Variants in GPHN observed in about 807,000 individuals in gnomAD.
GPHN encodes the protein gephyrin.
Under a neutral mutation model 95.5 loss-of-function variants are expected in GPHN, and 17 were observed. The ratio of observed to expected loss-of-function variants is 0.18; its 90% CI spans 0.12 to 0.27. The LOEUF is 0.27. Ranked by LOEUF, GPHN falls within the 10% of genes least tolerant of loss-of-function variation. GPHN has a pLI of 1.00. For missense variants in GPHN, 660 were observed against 978.1 expected (o/e 0.67, Z 4.34); for synonymous variants, 320 against 322.5 (o/e 0.99, Z 0.08).
chr14:67,079,347 T>G (rs1310229037), intron 11 of GPHN, among the ~76,000 whole-genome samples: 1 of 152,074 alleles, frequency 6.6e-6, no homozygotes, highest in Non-Finnish European at 1.5e-5. Context: ...CGTGTAGCCA[T>G]CACCACAATT....
At chr14:67,571,592 G>A in the GPHN span, 3 of 633,300 alleles carry the variant, frequency 4.7e-6, no homozygotes, top group Admixed American at 2.5e-5. Context: ...TGACACAGGA[G>A]TGAGGCCAGG....
the GPHN span, among the ~76,000 whole-genome samples, chr14:67,194,523 C>A: frequency 6.6e-6 from 1 of 151,870 alleles, no homozygotes; most frequent in Non-Finnish European, 1.5e-5. Flanking sequence ...TTTTTTCCCC[C>A]AAGACAGAGT....
chr14:66,717,293 G>T (rs2070274725), intron 2 of GPHN, among the ~76,000 whole-genome samples: 1 of 152,116 alleles, frequency 6.6e-6, no homozygotes, highest in African/African-American at 2.4e-5. Context: ...CTATTGCTGA[G>T]ACTTTCCGGA....
intron 2 of GPHN, among the ~76,000 whole-genome samples, chr14:66,745,389 T>A (rs974433741): frequency 6.6e-6 from 1 of 152,070 alleles, no homozygotes; most frequent in African/African-American, 2.4e-5. Flanking sequence ...AAGGACATTG[T>A]TCACCGTACT....
At chr14:67,671,922 C>A in the GPHN span, among the ~76,000 whole-genome samples, 1 of 152,218 alleles carries the variant, frequency 6.6e-6, no homozygotes, top group Non-Finnish European at 1.5e-5. Flanking sequence ...ATGGTCTAAT[C>A]ATTTCTTATG....
chr14:66,557,132 A>G (rs1300183181), intron 1 of GPHN, among the ~76,000 whole-genome samples: 1 of 152,092 alleles, frequency 6.6e-6, no homozygotes, highest in Non-Finnish European at 1.5e-5. Flanking sequence ...TCTGGAGCCC[A>G]GGAGTTTGAG....
intron 1 of GPHN, among the ~76,000 whole-genome samples, chr14:66,542,684 C>G (rs2059397440): frequency 6.6e-6 from 1 of 152,164 alleles, no homozygotes; most frequent in African/African-American, 2.4e-5. Context: ...GTCTTTAAAC[C>G]TTCTTTTGTT....
the GPHN span, chr14:67,586,577 T>G: frequency 1.6e-5 from 8 of 509,874 alleles, no homozygotes; most frequent in East Asian, 2.7e-4. Flanking sequence ...TTTGCTTTAG[T>G]GACTTTGTTC....
intron 9 of GPHN, among the ~76,000 whole-genome samples, chr14:67,019,526 A>C (rs1379235872): frequency 6.6e-6 from 1 of 152,202 alleles, no homozygotes; most frequent in Non-Finnish European, 1.5e-5. Context: ...CAATTTTTTG[A>C]AATCGGATTT....
chr14:67,056,856 T>C, intron 10 of GPHN, among the ~76,000 whole-genome samples: 1 of 152,068 alleles, frequency 6.6e-6, no homozygotes, highest in Non-Finnish European at 1.5e-5. Context: ...TCCTGAGCCC[T>C]GCCCCGCAAG....
chr14:67,722,878 A>T, the GPHN span, among the ~76,000 whole-genome samples: 2 of 152,218 alleles, frequency 1.3e-5, no homozygotes, highest in African/African-American at 4.8e-5. Context: ...GGAAAACCAG[A>T]AGGAAGCATC....
the GPHN span, chr14:67,652,414 G>A: frequency 5.4e-6 from 1 of 183,880 alleles, no homozygotes; most frequent in Non-Finnish European, 1.2e-5. Flanking sequence ...CTGATGCATG[G>A]CATATGCTGT....
intron 1 of GPHN, among the ~76,000 whole-genome samples, chr14:66,652,202 A>G (rs1468846122): frequency 6.6e-6 from 1 of 152,134 alleles, no homozygotes; most frequent in Non-Finnish European, 1.5e-5. Flanking sequence ...TATGCCAAAC[A>G]TTGTGGTTAC....
the GPHN span, among the ~76,000 whole-genome samples, chr14:67,520,912 A>G: frequency 6.6e-6 from 1 of 152,252 alleles, no homozygotes; most frequent in Non-Finnish European, 1.5e-5. Context: ...AAGCAGATGT[A>G]GCAATTTTGC....
chr14:66,670,720 C>T (rs559484222), intron 1 of GPHN, among the ~76,000 whole-genome samples: 3 of 152,088 alleles, frequency 2.0e-5, no homozygotes, highest in East Asian at 1.9e-4. Flanking sequence ...TGAGCCTAGG[C>T]GGTGGAGGTT....
At chr14:67,593,565 T>C in the GPHN span, 3 of 567,498 alleles carry the variant, frequency 5.3e-6, no homozygotes, top group African/African-American at 5.7e-5. Flanking sequence ...GTCTTGAAGA[T>C]AAAGTTGAAA....
At chr14:66,574,436 C>T (rs971000459) in intron 1 of GPHN, among the ~76,000 whole-genome samples, 12 of 151,888 alleles carry the variant, frequency 7.9e-5, no homozygotes, top group Non-Finnish European at 1.5e-4. Context: ...ATTTATGTAC[C>T]GCCATTATAG....
At chr14:67,041,374 C>G (rs2074695387) in intron 10 of GPHN, among the ~76,000 whole-genome samples, 2 of 152,116 alleles carry the variant, frequency 1.3e-5, no homozygotes, top group South Asian at 2.1e-4. Flanking sequence ...CCTAACCCCC[C>G]ACCCCCCAAC....
chr14:67,528,714 C>A, the GPHN span, among the ~76,000 whole-genome samples: 1 of 152,152 alleles, frequency 6.6e-6, no homozygotes. Flanking sequence ...GCCCGTATAA[C>A]CCGCAGCTGC....
Sources: gnomAD v4.1 joint callset for allele counts (sites outside exome capture counted in the v4.1 genomes callset) on GRCh38, gnomAD v4.1.1 for gene constraint, MANE v1.5 for transcripts, NCBI Gene and HGNC (gene_info 2026-07-23, HGNC 2026-07-21) for gene names.